KCNQ1: variants seen among roughly 807,000 people sequenced by gnomAD.
KCNQ1 encodes the protein potassium voltage-gated channel subfamily Q member 1.
Under a neutral mutation model 72.4 loss-of-function variants are expected in KCNQ1, and 49 were observed. That is an observed-to-expected ratio of 0.68 (90% CI 0.54 to 0.86). KCNQ1 has a LOEUF of 0.86. Among genes scored for constraint, KCNQ1 ranks in the 40% least tolerant of loss-of-function variants. The pLI is 0.00. For missense variants in KCNQ1, 790 were observed against 945.1 expected, an observed-to-expected ratio of 0.84 and a Z score of 2.15; for synonymous variants, 450 against 412.6, an observed-to-expected ratio of 1.09 and a Z score of -1.10.
chr11:2,592,638 C>T lies in KCNQ1; in HGVS notation c.1393+3784C>T, dbSNP rs1468577291. Among the ~76,000 whole-genome samples the T allele has an allele frequency of 6.6e-6, 1 of 152,252 alleles. No individual in the cohort carries two copies. Among genetic ancestry groups the T allele is most frequent in the Admixed American group, 6.5e-5 (1 of 15,288 alleles). ...TCATGAAGGATGCATGGGGACCCAA[C>T]CGCATGCCACTTGGCTTGGCAGTGT... On this transcript the variant is annotated intron_variant, in intron 10 of 15. Coordinates refer to ENST00000155840, the MANE Select transcript of KCNQ1 (RefSeq NM_000218.3). The surrounding 1 kb of genome is among the most constrained non-coding windows in gnomAD (Gnocchi z 5.2).
chr11:2,776,083 G>A (rs775621807), intron 13 of KCNQ1, 29 bp downstream of exon 13: 2 of 1,530,830 alleles, frequency 1.3e-6, no homozygotes, highest in Middle Eastern at 2.0e-4. Context: ...CAGCGGGGAG[G>A]GTGCCCAGGT....
intron 1 of KCNQ1, among the ~76,000 whole-genome samples, chr11:2,501,469 T>C (rs996438604): frequency 2.6e-5 from 4 of 151,828 alleles, no homozygotes; most frequent in Non-Finnish European, 4.4e-5. Flanking sequence ...CCTACCAAGA[T>C]TGAACCAGGA....
Position 2,698,375 on chromosome 11 carries a change from C to G in KCNQ1, c.1514+36294C>G, listed in dbSNP as rs11023834. On this transcript the variant is annotated intron_variant, in intron 11 of 15. Coordinates refer to ENST00000155840, the MANE Select transcript of KCNQ1 (RefSeq NM_000218.3). This position sits in a 1 kb window ranked among gnomAD's most constrained non-coding sequence, Gnocchi z 5.1. Reference sequence around the variant, plus strand: ...TATATAAAAGGCTATTTGACCTGCTCAGGGACCACAGTGGGGTACTGGGAT... The same window carrying G: ...TATATAAAAGGCTATTTGACCTGCTGAGGGACCACAGTGGGGTACTGGGAT... 0.053 allele frequency: 21,106 copies of G among 398,530 alleles called. 808 individuals carry two copies. Among genetic ancestry groups the G allele is most frequent in the Middle Eastern group, 0.15 (238 of 1,586 alleles). The allele number at this position is 398,530 out of a possible 1,614,324, so 24.7% of individuals were successfully genotyped here.
intron 10 of KCNQ1, chr11:2,640,285 A>T (rs1849552867): frequency 2.5e-6 from 1 of 397,792 alleles, no homozygotes; most frequent in African/African-American, 2.1e-5. Flanking sequence ...GAAATCACCC[A>T]TCTTCTGCGT....
rs1348958351 is a variant in KCNQ1, at chr11:2,652,615, T to G, written c.1394-9346T>G. On this transcript the variant is annotated intron_variant, in intron 10 of 15. Transcript: ENST00000155840. This position sits in a 1 kb window ranked among gnomAD's most constrained non-coding sequence, Gnocchi z 5.9. ...TGCCTGGAACCTTCCCCTGAAAATG[T>G]GTCTTGGGAGACCTAGACAGTGACT... 5.0e-6 allele frequency: 2 copies of G among 398,484 alleles called. No homozygotes were observed. Among genetic ancestry groups the G allele is most frequent in the East Asian group, 7.1e-5 (2 of 28,068 alleles). 24.7% of individuals were successfully genotyped at this position (398,484 alleles called of 1,614,324 possible). A position where few individuals can be genotyped will look rare whatever the true frequency, so the allele number is the denominator to read the frequency against.
intron 10 of KCNQ1, chr11:2,610,301 T>G (rs1320404295): frequency 5.0e-6 from 2 of 397,976 alleles, no homozygotes; most frequent in African/African-American, 2.1e-5. Flanking sequence ...CCACTTTTTG[T>G]GGTATTGTTA....
rs1590010176 is a variant in KCNQ1 at position 2,655,575 on chromosome 11, G to C, written c.1394-6386G>C. ...TTCAGGCTGTGAAATACCCACTTCA[G>C]AGGTGGGGGTGACAAGCAAGACCTG... On this transcript the variant is annotated intron_variant, in intron 10 of 15. Coordinates refer to ENST00000155840, the MANE Select transcript of KCNQ1 (RefSeq NM_000218.3). The C allele has an allele frequency of 4.0e-5, 16 of 398,570 alleles. No individual in the cohort carries two copies. The East Asian group carries it at 5.7e-4, about 14-fold the overall frequency. 24.7% of individuals were successfully genotyped at this position (398,570 alleles called of 1,614,324 possible).
rs527459424 is a variant in KCNQ1, at chr11:2,836,430, C to T, written c.1795-11337C>T. Among the ~76,000 whole-genome samples the T allele has an allele frequency of 2.6e-4, 40 of 152,254 alleles. No individual in the cohort carries two copies. The East Asian group carries it at 4.4e-3, about 17-fold the overall frequency. On this transcript the variant is annotated intron_variant, in intron 15 of 15. Transcript: ENST00000155840. ...TCACCCAGGAGGTAGAGGGTGAGGCCGGACTGCACTCCAAGGGGAGGAGGT... is the reference window on the plus strand; with the variant it reads ...TCACCCAGGAGGTAGAGGGTGAGGCTGGACTGCACTCCAAGGGGAGGAGGT...
rs896067542 is a variant in KCNQ1, at chr11:2,458,992, G to A, written c.386+13508G>A. Among the ~76,000 whole-genome samples the A allele has an allele frequency of 1.3e-5, 2 of 152,192 alleles. No individual in the cohort carries two copies. Among genetic ancestry groups the A allele is most frequent in the Non-Finnish European group, 1.5e-5 (1 of 68,026 alleles). On this transcript the variant is annotated intron_variant, in intron 1 of 15. Coordinates refer to ENST00000155840, the MANE Select transcript of KCNQ1 (RefSeq NM_000218.3). This position sits in a 1 kb window ranked among gnomAD's most constrained non-coding sequence, Gnocchi z 4.6. ...TGCATGTTCCATTTTTGCCCATGCC[G>A]CACCTGCCATGGTGCATTTCTGATT...
rs1160295043 is a variant in KCNQ1 at position 2,751,922 on chromosome 11, C to T, written c.1515-16922C>T. 3.9e-5 allele frequency among the ~76,000 whole-genome samples: 6 copies of T among 152,228 alleles called. No individual in the cohort carries two copies. In the South Asian group the frequency reaches 6.2e-4, roughly 16 times the overall value. ...ATGGCTGACCTTCCTCTGAGCCCCT[C>T]GTGGATGCCCACACACGGCAAGACG... is the stretch of plus-strand genomic sequence containing the variant. On this transcript the variant is annotated intron_variant, in intron 11 of 15. Coordinates refer to ENST00000155840, the MANE Select transcript of KCNQ1 (RefSeq NM_000218.3).
chr11:2,598,449 T>C lies in KCNQ1; in HGVS notation c.1393+9595T>C, dbSNP rs182712620. On this transcript the variant is annotated intron_variant, in intron 10 of 15. Coordinates refer to ENST00000155840, the MANE Select transcript of KCNQ1 (RefSeq NM_000218.3). The surrounding 1 kb of genome is among the most constrained non-coding windows in gnomAD (Gnocchi z 6.2). ...TTTGTCTCCAAGTATGAAAATAACA[T>C]CATTATTTTTGTAAATGCTCCACAG... Among the ~76,000 whole-genome samples the C allele has an allele frequency of 2.4e-4, 37 of 152,296 alleles. No individual in the cohort carries two copies. Among genetic ancestry groups the C allele is most frequent in the Admixed American group, 1.0e-3 (16 of 15,300 alleles).
chr11:2,758,072 T>C (rs575529063), intron 11 of KCNQ1, among the ~76,000 whole-genome samples: 2 of 152,244 alleles, frequency 1.3e-5, no homozygotes, highest in African/African-American at 4.8e-5. Flanking sequence ...ATGGACCCCA[T>C]TAAAACTTAA....
At chr11:2,761,888 G>C (rs1027376256) in intron 11 of KCNQ1, among the ~76,000 whole-genome samples, 16 of 152,266 alleles carry the variant, frequency 1.1e-4, no homozygotes, top group African/African-American at 3.6e-4. Context: ...TTGGCAGGAG[G>C]GGAGGCCCGC....
Position 2,450,308 on chromosome 11 carries a change from CA to C in KCNQ1, c.386+4826del, listed in dbSNP as rs991399521. 2.6e-5 allele frequency among the ~76,000 whole-genome samples: 4 copies of C among 152,176 alleles called. No homozygotes were observed. The highest frequency in any genetic ancestry group is 6.5e-5 in the Admixed American group (1 of 15,286). On this transcript the variant is annotated intron_variant, in intron 1 of 15. Coordinates refer to ENST00000155840, the MANE Select transcript of KCNQ1 (RefSeq NM_000218.3). The surrounding 1 kb of genome is among the most constrained non-coding windows in gnomAD (Gnocchi z 7.9). The stretch of plus-strand genomic sequence containing the variant: ...GAAGAGCTGAGAGACAGCAGATGCC[CA>C]AGACGAGTTGCTGGTGTGTGGCCAG...
At chr11:2,637,202 G>A (rs1389435491) in intron 10 of KCNQ1, 2 of 151,982 alleles carry the variant, frequency 1.3e-5, no homozygotes, top group Non-Finnish European at 2.9e-5. Context: ...TCTGATCTTA[G>A]TTATTTCTTG....
Position 2,478,499 on chromosome 11 carries a change from A to G in KCNQ1, c.386+33015A>G, listed in dbSNP as rs1846606303. Among the ~76,000 whole-genome samples, 1 of 152,188 alleles carries G rather than the reference A, an allele frequency of 6.6e-6. No individual in the cohort carries two copies. Among genetic ancestry groups the G allele is most frequent in the Non-Finnish European group, 1.5e-5 (1 of 68,028 alleles). On this transcript the variant is annotated intron_variant, in intron 1 of 15. Transcript: ENST00000155840. This position sits in a 1 kb window ranked among gnomAD's most constrained non-coding sequence, Gnocchi z 4.0. ...TTACATGATGACAGGCAAAGAGATAATGAAAACTGAGCACAAAGGGTTTCC... is the reference window on the plus strand; with the variant it reads ...TTACATGATGACAGGCAAAGAGATAGTGAAAACTGAGCACAAAGGGTTTCC...
At chr11:2,630,088 T>G (rs1473892178) in intron 10 of KCNQ1, 1 of 398,416 alleles carries the variant, frequency 2.5e-6, no homozygotes, top group East Asian at 3.6e-5. Flanking sequence ...TTGCAGTACA[T>G]TCCTTCTATA....
intron 10 of KCNQ1, chr11:2,622,989 C>T (rs1849200092): frequency 5.0e-6 from 2 of 398,654 alleles, no homozygotes; most frequent in Non-Finnish European, 8.8e-6. Context: ...TGTGTTCCCA[C>T]CCAAATCTCA....
rs1382680697 is a variant in KCNQ1, at chr11:2,544,392, G to A, written c.477+16374G>A. Among the ~76,000 whole-genome samples, 3 of 141,396 alleles carry A rather than the reference G, an allele frequency of 2.1e-5. No individual in the cohort carries two copies. The highest frequency in any genetic ancestry group is 5.4e-5 in the African/African-American group (2 of 37,072). 92.8% of individuals were successfully genotyped at this position (141,396 alleles called of 152,430 possible). A position where few individuals can be genotyped will look rare whatever the true frequency, so the allele number is the denominator to read the frequency against. Reference sequence around the variant, plus strand: ...TGTGTATATATATGTGTGCATATATGTGTATATATGTGTGTGTATATATAT... The same window carrying A: ...TGTGTATATATATGTGTGCATATATATGTATATATGTGTGTGTATATATAT... On this transcript the variant is annotated intron_variant, in intron 2 of 15. Coordinates refer to ENST00000155840, the MANE Select transcript of KCNQ1 (RefSeq NM_000218.3). This position sits in a 1 kb window ranked among gnomAD's most constrained non-coding sequence, Gnocchi z 4.4.
Sources: allele counts gnomAD v4.1 joint callset (sites outside exome capture counted in the v4.1 genomes callset), GRCh38; gene constraint gnomAD v4.1.1; non-coding constraint Gnocchi (gnomAD v3.1); transcripts MANE v1.5; gene names NCBI Gene and HGNC (gene_info 2026-07-23, HGNC 2026-07-21).